KCNQ5: variants seen among roughly 807,000 people sequenced by gnomAD.
KCNQ5 encodes potassium voltage-gated channel subfamily Q member 5.
Under a neutral mutation model 98.2 loss-of-function variants are expected in KCNQ5, and 30 were observed. The observed-to-expected ratio is 0.31, with a 90% CI of 0.23 to 0.41. The LOEUF (loss-of-function observed/expected upper bound fraction) is 0.41, where lower values mean the gene tolerates loss of function less well. KCNQ5 is among the 10% of genes least tolerant of loss of function. The pLI is 1.00. For missense variants in KCNQ5, 835 were observed against 1,182.5 expected, an observed-to-expected ratio of 0.71 and a Z score of 4.31; for synonymous variants, 458 against 449.4, an observed-to-expected ratio of 1.02 and a Z score of -0.24.
chr6:73,133,323 T>C, intron 9 of KCNQ5, 98 bp from the exon 10 acceptor site: 1 of 1,000,516 alleles, frequency 1.0e-6, no homozygotes, highest in Non-Finnish European at 1.5e-6. Context: ...ATCTTGTCTA[T>C]TGAAATATAT....
chr6:72,938,543 C>T (rs1457844893), intron 1 of KCNQ5, among the ~76,000 whole-genome samples: 1 of 46,698 alleles, frequency 2.1e-5, no homozygotes, highest in Non-Finnish European at 5.1e-5. Flanking sequence ...CCACACCCGG[C>T]TAATTCTTGT....
At chr6:73,042,916 C>A (rs1003254383) in intron 3 of KCNQ5, among the ~76,000 whole-genome samples, 1 of 152,132 alleles carries the variant, frequency 6.6e-6, no homozygotes, top group African/African-American at 2.4e-5. Flanking sequence ...GTCTTTCTCA[C>A]TTCCTAGGCA....
chr6:73,065,017 A>G (rs1175629579), intron 3 of KCNQ5, among the ~76,000 whole-genome samples: 1 of 149,120 alleles, frequency 6.7e-6, no homozygotes, highest in African/African-American at 2.5e-5. Context: ...TCAGTAGGTT[A>G]CTGATATTGC....
At chr6:72,713,268 G>A (rs78827753) in intron 1 of KCNQ5, among the ~76,000 whole-genome samples, 5,912 of 152,152 alleles carry the variant, frequency 0.039, 130 homozygotes, top group Middle Eastern at 0.13. Context: ...AACTCCAGGC[G>A]TCCCAAACGT....
rs116945689 is a variant in KCNQ5, at chr6:73,131,393, A to G, written c.1248-2028A>G. On this transcript the variant is annotated intron_variant, in intron 9 of 13. Coordinates refer to ENST00000370398, the MANE Select transcript of KCNQ5 (RefSeq NM_019842.4). Reference sequence around the variant, plus strand: ...CTAAAACCAACCTTTTATAGTAATTAGCATCTGTTAGTTCCAGAAAAGGTA... The same window carrying G: ...CTAAAACCAACCTTTTATAGTAATTGGCATCTGTTAGTTCCAGAAAAGGTA... Among the ~76,000 whole-genome samples, 176 of 152,322 alleles carry G rather than the reference A, an allele frequency of 1.2e-3. No homozygotes were observed. The East Asian group carries it at 0.031, about 27-fold the overall frequency.
chr6:73,023,338 T>C (rs2150341023), intron 2 of KCNQ5, among the ~76,000 whole-genome samples: 1 of 152,308 alleles, frequency 6.6e-6, no homozygotes. Context: ...TAGGCTGGTT[T>C]TAAATATATT....
intron 1 of KCNQ5, among the ~76,000 whole-genome samples, chr6:72,713,524 C>A (rs576122245): frequency 6.6e-6 from 1 of 152,290 alleles, no homozygotes; most frequent in African/African-American, 2.4e-5. Flanking sequence ...GTTTTCCCAG[C>A]AGTTGCAGTG....
intron 1 of KCNQ5, among the ~76,000 whole-genome samples, chr6:72,930,155 A>T (rs1192303513): frequency 1.3e-5 from 2 of 152,094 alleles, no homozygotes; most frequent in Non-Finnish European, 2.9e-5. Flanking sequence ...CCTTTGTCTC[A>T]TCATAGAGCT....
intron 1 of KCNQ5, among the ~76,000 whole-genome samples, chr6:72,638,628 C>A (rs908442326): frequency 1.3e-5 from 2 of 150,406 alleles, no homozygotes; most frequent in African/African-American, 4.8e-5. Context: ...AGGTTAAAGG[C>A]AAATACCTAT....
rs140079097 is a variant in KCNQ5 at position 72,899,262 on chromosome 6, T to G, written c.399-104646T>G. On this transcript the variant is annotated intron_variant, in intron 1 of 13. Transcript: ENST00000370398. ...CTGATATTCCATGTTTTTCTCAAAA[T>G]TCATTTCTAATAACCATATACTATT... Among the ~76,000 whole-genome samples the G allele has an allele frequency of 5.7e-3, 863 of 152,332 alleles. 11 individuals are homozygous for G. The highest frequency in any genetic ancestry group is 0.021 in the East Asian group (107 of 5,192).
intron 1 of KCNQ5, among the ~76,000 whole-genome samples, chr6:72,975,701 T>G (rs1582121569): frequency 6.6e-6 from 1 of 152,348 alleles, no homozygotes; most frequent in South Asian, 2.1e-4. Flanking sequence ...AAGAAGATTT[T>G]GTTTTCTGCT....
chr6:72,851,183 C>T (rs753680291), intron 1 of KCNQ5, among the ~76,000 whole-genome samples: 1 of 152,128 alleles, frequency 6.6e-6, no homozygotes, highest in Non-Finnish European at 1.5e-5. Flanking sequence ...GAAAGCTATT[C>T]ATATGAAGGT....
At chr6:73,159,505 A>G (rs1285757108) in intron 10 of KCNQ5, among the ~76,000 whole-genome samples, 1 of 152,240 alleles carries the variant, frequency 6.6e-6, no homozygotes, top group African/African-American at 2.4e-5. Context: ...AATAAAAATA[A>G]AAAGATTGCT....
chr6:72,652,091 A>G (rs886606022), intron 1 of KCNQ5, among the ~76,000 whole-genome samples: 1 of 151,980 alleles, frequency 6.6e-6, no homozygotes, highest in Non-Finnish European at 1.5e-5. Flanking sequence ...ACTTTAAAAA[A>G]TTTTTATCTT....
At chr6:72,794,708 C>T (rs554560098) in intron 1 of KCNQ5, among the ~76,000 whole-genome samples, 1 of 152,158 alleles carries the variant, frequency 6.6e-6, no homozygotes, top group African/African-American at 2.4e-5. Flanking sequence ...TATGTCTGTT[C>T]ATCTCTTTTT....
chr6:72,871,489 G>A (rs1468122492), intron 1 of KCNQ5, among the ~76,000 whole-genome samples: 3 of 152,082 alleles, frequency 2.0e-5, no homozygotes, highest in South Asian at 2.1e-4. Context: ...ATAAACAAAC[G>A]TGCTTTGGAA....
At chr6:72,716,329 G>C (rs1769644410) in intron 1 of KCNQ5, among the ~76,000 whole-genome samples, 1 of 152,218 alleles carries the variant, frequency 6.6e-6, no homozygotes, top group Admixed American at 6.5e-5. Flanking sequence ...GGATGTGTAA[G>C]GCATGGTATG....
At chr6:73,106,323 A>G (rs1774999128) in intron 6 of KCNQ5, among the ~76,000 whole-genome samples, 1 of 152,208 alleles carries the variant, frequency 6.6e-6, no homozygotes, top group African/African-American at 2.4e-5. Flanking sequence ...TGAAAAGGCC[A>G]TGCATATGCT....
Position 73,100,542 on chromosome 6 carries a change from G to A in KCNQ5, c.919-4715G>A, listed in dbSNP as rs550083059. On this transcript the variant is annotated intron_variant, in intron 5 of 13. Coordinates refer to ENST00000370398, the MANE Select transcript of KCNQ5 (RefSeq NM_019842.4). The stretch of plus-strand genomic sequence containing the variant: ...AAAATAGCTGGGCGTGGTGGCAGGC[G>A]CCTGTAGTCCCAGCTACTCGGGAAG... Among the ~76,000 whole-genome samples, 382 of 151,896 alleles carry A rather than the reference G, an allele frequency of 2.5e-3. 1 individual carries two copies. The highest frequency in any genetic ancestry group is 6.1e-3 in the Admixed American group (93 of 15,264).
Sources: gnomAD v4.1 joint callset for allele counts (sites outside exome capture counted in the v4.1 genomes callset) on GRCh38, gnomAD v4.1.1 for gene constraint, MANE v1.5 for transcripts, NCBI Gene and HGNC (gene_info 2026-07-23, HGNC 2026-07-21) for gene names.